Variants in DENND1A observed in about 807,000 individuals in gnomAD.
DENND1A encodes DENN domain-containing protein 1A.
A neutral mutation model predicts 113.7 loss-of-function variants in DENND1A; 51 were observed. That is an observed-to-expected ratio of 0.45 (90% CI 0.36 to 0.57). DENND1A has a LOEUF of 0.57. Among genes scored for constraint, DENND1A ranks in the 20% least tolerant of loss-of-function variants. The pLI, the probability that DENND1A is intolerant of heterozygous loss-of-function variation, is 0.00. For synonymous variants in DENND1A, 565 were observed against 570.8 expected, an observed-to-expected ratio of 0.99 and a Z score of 0.14; for missense variants, 1,258 against 1,395.9, an observed-to-expected ratio of 0.90 and a Z score of 1.57.
At chr9:123,390,140 C>A (rs147832616) in intron 21 of DENND1A, among the ~76,000 whole-genome samples, 1 of 152,266 alleles carries the variant, frequency 6.6e-6, no homozygotes, top group African/African-American at 2.4e-5. Flanking sequence ...TCATAGATAC[C>A]ATTTAACCTC....
At chr9:123,527,636 G>T (rs535220207) in intron 13 of DENND1A, among the ~76,000 whole-genome samples, 1 of 151,966 alleles carries the variant, frequency 6.6e-6, no homozygotes, top group African/African-American at 2.4e-5. Context: ...TGGATCTCCC[G>T]CACCCATCTG....
chr9:123,653,764 C>T (rs1240844421), intron 8 of DENND1A, among the ~76,000 whole-genome samples: 3 of 152,052 alleles, frequency 2.0e-5, no homozygotes, highest in Non-Finnish European at 2.9e-5. Flanking sequence ...GAAAATGCTT[C>T]TGTTAAAAAT....
intron 5 of DENND1A, among the ~76,000 whole-genome samples, chr9:123,757,499 G>A (rs2070671496): frequency 6.6e-6 from 1 of 152,242 alleles, no homozygotes; most frequent in African/African-American, 2.4e-5. Context: ...CCCAAGGGAT[G>A]TGATACAAAT....
In DENND1A at chr9:123,887,699, G is replaced by T. The variant is rs529593466; in HGVS notation, c.18-8678C>A. Among the ~76,000 whole-genome samples the T allele has an allele frequency of 2.2e-3, 335 of 151,978 alleles. 3 individuals are homozygous for T. The highest frequency in any genetic ancestry group is 7.6e-3 in the African/African-American group (316 of 41,456). On this transcript the variant is annotated intron_variant, in intron 1 of 23. Transcript: ENST00000394215. ...TCCAAGCAGGGCAGTGGGGCAGGAG[G>T]TGTGGAGAACCACCATCAAGTCCTT...
chr9:123,554,205 G>A (rs1047955720), intron 13 of DENND1A, among the ~76,000 whole-genome samples: 1 of 152,116 alleles, frequency 6.6e-6, no homozygotes, highest in African/African-American at 2.4e-5. Context: ...GTACTTTGCA[G>A]TCATTATTTT....
intron 9 of DENND1A, among the ~76,000 whole-genome samples, chr9:123,639,163 G>A (rs1438024279): frequency 6.6e-6 from 1 of 151,654 alleles, no homozygotes; most frequent in Non-Finnish European, 1.5e-5. Context: ...GTAGGCCGCA[G>A]GTGGTAGCTC....
chr9:123,805,344 T>C (rs1272554461), intron 2 of DENND1A, among the ~76,000 whole-genome samples: 3 of 152,090 alleles, frequency 2.0e-5, no homozygotes, highest in African/African-American at 7.2e-5. Context: ...TTCATATACA[T>C]AATGAGATAT....
intron 12 of DENND1A, among the ~76,000 whole-genome samples, chr9:123,579,538 C>A (rs1015857614): frequency 6.6e-6 from 1 of 151,976 alleles, no homozygotes; most frequent in Non-Finnish European, 1.5e-5. Context: ...GTCAGATGAG[C>A]CAGTCTTGAG....
At chr9:123,397,698 G>C (rs1429172594) in intron 21 of DENND1A, among the ~76,000 whole-genome samples, 1 of 152,190 alleles carries the variant, frequency 6.6e-6, no homozygotes, top group African/African-American at 2.4e-5. Context: ...CTCCAGGAAT[G>C]CTAATATGTA....
At chr9:123,489,537 T>G (rs576099856) in intron 13 of DENND1A, among the ~76,000 whole-genome samples, 1 of 152,394 alleles carries the variant, frequency 6.6e-6, no homozygotes, top group Non-Finnish European at 1.5e-5. Flanking sequence ...TTTCTTCCTC[T>G]GCCTGTGGTA....
intron 13 of DENND1A, among the ~76,000 whole-genome samples, chr9:123,495,748 A>T (rs1447805239): frequency 6.6e-6 from 1 of 152,164 alleles, no homozygotes; most frequent in African/African-American, 2.4e-5. Flanking sequence ...TCCCCACACT[A>T]AGCTATCTTC....
At chr9:123,501,474 A>C (rs2052476953) in intron 13 of DENND1A, among the ~76,000 whole-genome samples, 1 of 152,204 alleles carries the variant, frequency 6.6e-6, no homozygotes, top group African/African-American at 2.4e-5. Flanking sequence ...CTTTGGGTAT[A>C]TATTCAGTAG....
At chr9:123,491,580 G>C (rs2051381188) in intron 13 of DENND1A, among the ~76,000 whole-genome samples, 1 of 152,178 alleles carries the variant, frequency 6.6e-6, no homozygotes. Context: ...CTAGTCAACA[G>C]AAAGAAGAAG....
intron 13 of DENND1A, among the ~76,000 whole-genome samples, chr9:123,505,313 A>G (rs923941063): frequency 1.3e-5 from 2 of 152,252 alleles, no homozygotes; most frequent in Admixed American, 1.3e-4. Context: ...TATAGTGGAG[A>G]TGTAAACAGA....
chr9:123,404,123 G>A (rs1056432456), intron 20 of DENND1A, among the ~76,000 whole-genome samples: 1 of 152,128 alleles, frequency 6.6e-6, no homozygotes, highest in African/African-American at 2.4e-5. Flanking sequence ...CTAGTGGGAG[G>A]GTCTGCAGTG....
intron 12 of DENND1A, among the ~76,000 whole-genome samples, chr9:123,566,726 C>T (rs994758652): frequency 3.9e-5 from 6 of 152,094 alleles, no homozygotes; most frequent in Admixed American, 2.0e-4. Flanking sequence ...CACACATATA[C>T]ACTCCAGCCC....
chr9:123,446,420 G>A (rs2047309600), intron 18 of DENND1A, among the ~76,000 whole-genome samples: 2 of 152,134 alleles, frequency 1.3e-5, no homozygotes, highest in Non-Finnish European at 2.9e-5. Context: ...AGCTCTCCCG[G>A]CCCCACGCAT....
chr9:123,442,285 T>G (rs1366912172), intron 18 of DENND1A, among the ~76,000 whole-genome samples: 1 of 152,164 alleles, frequency 6.6e-6, no homozygotes, highest in Non-Finnish European at 1.5e-5. Context: ...TGGGAGGGCT[T>G]GGATCAGGTG....
intron 13 of DENND1A, among the ~76,000 whole-genome samples, chr9:123,478,346 T>C (rs943237464): frequency 1.3e-5 from 2 of 152,228 alleles, no homozygotes; most frequent in Admixed American, 6.5e-5. Context: ...GGGGGCACCA[T>C]GGTAGCTGTC....
Sources: gnomAD v4.1 joint callset for allele counts (sites outside exome capture counted in the v4.1 genomes callset) on GRCh38, gnomAD v4.1.1 for gene constraint, MANE v1.5 for transcripts, NCBI Gene and HGNC (gene_info 2026-07-23, HGNC 2026-07-21) for gene names.